Variants in AK9 observed in about 807,000 individuals in gnomAD.
AK9 encodes the protein adenylate kinase domain containing 1.
In AK9, 191 loss-of-function variants were observed where a neutral mutation model predicts 239.6. That is an observed-to-expected ratio of 0.80 (90% CI 0.71 to 0.90). AK9 has a LOEUF of 0.90. Ranked by LOEUF, AK9 falls within the 40% of genes least tolerant of loss-of-function variation. The probability of loss-of-function intolerance (pLI) is 0.00; values close to 1 mark genes in which losing one functional copy is unlikely to be tolerated. For missense variants in AK9, 1,995 were observed against 2,214.7 expected (o/e 0.90, Z 1.99); for synonymous variants, 689 against 721.0 (o/e 0.96, Z 0.71).
At chr6:109,687,743 C>G (rs1773718224) in intron 1 of AK9, among the ~76,000 whole-genome samples, 1 of 152,148 alleles carries the variant, frequency 6.6e-6, no homozygotes, top group Non-Finnish European at 1.5e-5. Context: ...AGCAGAGGAC[C>G]CAGGTGAGTG....
chr6:109,591,890 C>A (rs550139436), intron 17 of AK9, among the ~76,000 whole-genome samples: 6 of 151,622 alleles, frequency 4.0e-5, no homozygotes, highest in African/African-American at 1.4e-4. Context: ...TCACTGCCAG[C>A]ACTCATTTGA....
chr6:109,586,887 C>T (rs1789570311), intron 17 of AK9, among the ~76,000 whole-genome samples: 1 of 152,120 alleles, frequency 6.6e-6, no homozygotes, highest in African/African-American at 2.4e-5. Context: ...ATTAGGTAAT[C>T]ACAAAATATT....
Position 109,632,849 on chromosome 6 carries a change from C to T in AK9, c.1254+74G>A, listed in dbSNP as rs901595375. The T allele has an allele frequency of 4.7e-5, 66 of 1,413,920 alleles. No homozygotes were observed. In the African/African-American group the frequency reaches 8.2e-4, roughly 18 times the overall value. The allele number at this position is 1,413,920 out of a possible 1,614,324, so 87.6% of individuals were successfully genotyped here. A position where few individuals can be genotyped will look rare whatever the true frequency, so the allele number is the denominator to read the frequency against. The stretch of plus-strand genomic sequence containing the variant: ...TACAAATTATAATCGAGTATAGATA[C>T]ATGACAGATAGACATAGATAGATAG... On this transcript the variant is annotated intron_variant, in intron 12 of 40. Transcript: ENST00000424296.
At chr6:109,576,420 C>CTTTTTT (rs3060763) in intron 20 of AK9, among the ~76,000 whole-genome samples, 1,741 of 103,328 alleles carry the variant, frequency 0.017, 131 homozygotes, top group African/African-American at 0.041. Flanking sequence ...CATATATATA[C>CTTTTTT]TTTTTTTTTT....
intron 26 of AK9, among the ~76,000 whole-genome samples, chr6:109,542,423 T>C (rs892501460): frequency 6.6e-6 from 1 of 152,156 alleles, no homozygotes; most frequent in Non-Finnish European, 1.5e-5. Flanking sequence ...AAACTATAGT[T>C]AGTAACAATG....
intron 17 of AK9, among the ~76,000 whole-genome samples, chr6:109,587,001 T>G (rs1416741656): frequency 6.6e-6 from 1 of 151,860 alleles, no homozygotes; most frequent in Admixed American, 6.6e-5. Flanking sequence ...TTAGACGAGG[T>G]CTTGCTATGT....
chr6:109,649,627 A>T (rs1232182545), intron 8 of AK9, among the ~76,000 whole-genome samples: 1 of 152,226 alleles, frequency 6.6e-6, no homozygotes, highest in Non-Finnish European at 1.5e-5. Context: ...CATGGGTAGG[A>T]ACAATCAATA....
intron 15 of AK9, among the ~76,000 whole-genome samples, chr6:109,612,461 T>A (rs192820632): frequency 6.6e-6 from 1 of 152,276 alleles, no homozygotes; most frequent in Admixed American, 6.5e-5. Context: ...ATTGGCATCC[T>A]TCCAGCAGTG....
intron 29 of AK9, chr6:109,528,346 C>T (rs1023073402): frequency 1.1e-5 from 4 of 358,776 alleles, no homozygotes; most frequent in Non-Finnish European, 2.2e-5. Context: ...AATGAGGCTA[C>T]GATTTCTGTA....
intron 10 of AK9, among the ~76,000 whole-genome samples, chr6:109,640,352 C>T (rs954869444): frequency 1.8e-4 from 27 of 152,160 alleles, no homozygotes; most frequent in African/African-American, 6.5e-4. Flanking sequence ...CTTCCCTTGG[C>T]TAGGAAAGGG....
chr6:109,643,323 A>G (rs1797679201), intron 9 of AK9, among the ~76,000 whole-genome samples: 1 of 152,218 alleles, frequency 6.6e-6, no homozygotes, highest in African/African-American at 2.4e-5. Context: ...GCCACCAGTC[A>G]TATCAAGCCA....
intron 16 of AK9, among the ~76,000 whole-genome samples, chr6:109,611,135 G>A (rs1474555996): frequency 1.3e-5 from 2 of 152,188 alleles, no homozygotes; most frequent in Non-Finnish European, 2.9e-5. Flanking sequence ...TGCATTTGCA[G>A]TCAAGCTTCT....
Position 109,592,150 on chromosome 6 carries a change from G to A in AK9, c.1843-6078C>T, listed in dbSNP as rs370809656. Among the ~76,000 whole-genome samples, 24 of 150,510 alleles carry A rather than the reference G, an allele frequency of 1.6e-4. No individual in the cohort carries two copies. In the East Asian group the frequency reaches 3.5e-3, roughly 22 times the overall value. ...CTAGGATTTGACATTTTCAGCAATCGAAAATTACTATATTTTGTAAATGGA... is the reference window on the plus strand; with the variant it reads ...CTAGGATTTGACATTTTCAGCAATCAAAAATTACTATATTTTGTAAATGGA... On this transcript the variant is annotated intron_variant, in intron 17 of 40. Transcript: ENST00000424296.
intron 12 of AK9, among the ~76,000 whole-genome samples, chr6:109,630,449 T>C (rs1795992013): frequency 6.6e-6 from 1 of 152,166 alleles, no homozygotes; most frequent in South Asian, 2.1e-4. Context: ...AAGAGAACAA[T>C]AAGATAGAAG....
chr6:109,538,116 T>C (rs1364914118), intron 27 of AK9, among the ~76,000 whole-genome samples: 1 of 152,214 alleles, frequency 6.6e-6, no homozygotes, highest in Non-Finnish European at 1.5e-5. Context: ...AGATGTCTAT[T>C]AGGTCCACTT....
chr6:109,591,332 T>C (rs928766967), intron 17 of AK9, among the ~76,000 whole-genome samples: 2 of 152,204 alleles, frequency 1.3e-5, no homozygotes, highest in African/African-American at 4.8e-5. Context: ...GATATAAGTA[T>C]AGCTACTCCT....
At chr6:109,633,967 T>C (rs1301283847) in intron 10 of AK9, among the ~76,000 whole-genome samples, 3 of 152,204 alleles carry the variant, frequency 2.0e-5, no homozygotes, top group Non-Finnish European at 4.4e-5. Flanking sequence ...CTTAACCATA[T>C]GATAGAAAGG....
At chr6:109,634,480 T>TC (rs1215520309) in intron 10 of AK9, among the ~76,000 whole-genome samples, 1 of 152,030 alleles carries the variant, frequency 6.6e-6, no homozygotes, top group Non-Finnish European at 1.5e-5. Flanking sequence ...GGAAAACTGC[T>TC]CCCCCCAACC....
intron 12 of AK9, among the ~76,000 whole-genome samples, chr6:109,619,621 C>CAT (rs893251015): frequency 2.4e-4 from 36 of 151,626 alleles, no homozygotes; most frequent in African/African-American, 6.0e-4. Flanking sequence ...CACAAATATA[C>CAT]ATATATATAT....
Sources: gnomAD v4.1 joint callset for allele counts (sites outside exome capture counted in the v4.1 genomes callset) on GRCh38, gnomAD v4.1.1 for gene constraint, MANE v1.5 for transcripts, NCBI Gene and HGNC (gene_info 2026-07-23, HGNC 2026-07-21) for gene names.